The following TNRC6B variants were observed in gnomAD, a reference collection of about 807,000 sequenced individuals.
The protein encoded by TNRC6B is trinucleotide repeat containing adaptor 6B.
In TNRC6B, 52 loss-of-function variants were observed where a neutral mutation model predicts 203.6. The observed-to-expected ratio is 0.26, with a 90% confidence interval of 0.20 to 0.32. TNRC6B has a LOEUF of 0.32. Among genes scored for constraint, TNRC6B ranks in the 10% least tolerant of loss-of-function variants. The pLI is 1.00. For missense variants in TNRC6B, 1,923 were observed against 2,286.2 expected (o/e 0.84, Z 3.24); for synonymous variants, 838 against 845.7 (o/e 0.99, Z 0.16).
chr22:40,244,164 G>A (rs1284551784), intron 1 of TNRC6B, among the ~76,000 whole-genome samples: 1 of 152,182 alleles, frequency 6.6e-6, no homozygotes, highest in Non-Finnish European at 1.5e-5. Context: ...TGGCCAGCCT[G>A]CCTGAGATGA....
chr22:40,152,097 C>T (rs954145715), intron 3 of TNRC6B, among the ~76,000 whole-genome samples: 4 of 152,252 alleles, frequency 2.6e-5, no homozygotes, highest in Middle Eastern at 3.4e-3. Flanking sequence ...TTTTTAAAAA[C>T]TAAGGATAAA....
intron 1 of TNRC6B, among the ~76,000 whole-genome samples, chr22:40,211,299 C>CT (rs2069559286): frequency 6.6e-6 from 1 of 152,040 alleles, no homozygotes; most frequent in Admixed American, 6.5e-5. Context: ...AGGCTGGTCT[C>CT]TAACTCCTGG....
chr22:40,125,869 A>T, intron 3 of TNRC6B: 2 of 1,611,294 alleles, frequency 1.2e-6, no homozygotes, highest in Non-Finnish European at 1.7e-6. Context: ...CAAGGTCAGT[A>T]AATTACTGAA....
At chr22:40,112,469 G>T (rs1041744438) in intron 1 of TNRC6B, among the ~76,000 whole-genome samples, 1 of 152,128 alleles carries the variant, frequency 6.6e-6, no homozygotes, top group African/African-American at 2.4e-5. Flanking sequence ...AAGAAGGCTG[G>T]TTGCAGACCC....
At position 40,335,493 on chromosome 22, in the gene TNRC6B, A is replaced by T. The variant is rs2044022992; in HGVS notation, c.*12252A>T. 1 of 150,760 alleles carries T rather than the reference A, an allele frequency of 6.6e-6. No individual in the cohort carries two copies. Among genetic ancestry groups the T allele is most frequent in the Non-Finnish European group, 1.5e-5 (1 of 67,664 alleles). The allele number at this position is 150,760 out of a possible 1,614,324, so 9.3% of individuals were successfully genotyped here. On this transcript the variant is annotated 3_prime_UTR_variant, in exon 23 of 23. Coordinates refer to ENST00000454349, the MANE Select transcript of TNRC6B (RefSeq NM_001162501.2). ...GCTGGATTTCAAAAAAAAAAAAAAAAGTATCAAAAACAAAAAAAACTAAAG... is the reference window on the plus strand; with the variant it reads ...GCTGGATTTCAAAAAAAAAAAAAAATGTATCAAAAACAAAAAAAACTAAAG...
intron 12 of TNRC6B, among the ~76,000 whole-genome samples, chr22:40,288,051 A>G (rs2146531046): frequency 6.6e-6 from 1 of 152,362 alleles, no homozygotes; most frequent in African/African-American, 2.4e-5. Flanking sequence ...GGGGAAAGGC[A>G]GTTACTCTGA....
intron 1 of TNRC6B, among the ~76,000 whole-genome samples, chr22:40,239,829 CT>C (rs1569034010): frequency 6.6e-6 from 1 of 151,898 alleles, no homozygotes; most frequent in South Asian, 2.1e-4. Flanking sequence ...TGGGTATTTT[CT>C]TTTTTTGTTT....
intron 1 of TNRC6B, among the ~76,000 whole-genome samples, chr22:40,195,781 G>GT (rs1429260327): frequency 2.0e-5 from 3 of 150,944 alleles, no homozygotes; most frequent in African/African-American, 4.9e-5. Flanking sequence ...GTTTTGTTTT[G>GT]TTTTTTGAGA....
chr22:40,183,406 C>T (rs1023775569), intron 1 of TNRC6B, among the ~76,000 whole-genome samples: 2 of 152,150 alleles, frequency 1.3e-5, no homozygotes, highest in African/African-American at 2.4e-5. Context: ...AGGAGCAGCA[C>T]GGAGCCTTTT....
intron 1 of TNRC6B, among the ~76,000 whole-genome samples, chr22:40,109,324 G>T (rs2068313401): frequency 1.3e-5 from 2 of 152,076 alleles, no homozygotes. Context: ...GGGTCAAATG[G>T]TATTTCTGGT....
chr22:40,090,181 A>G (rs2068138599), intron 1 of TNRC6B, among the ~76,000 whole-genome samples: 1 of 152,234 alleles, frequency 6.6e-6, no homozygotes, highest in Admixed American at 6.5e-5. Flanking sequence ...TTTTCACCTC[A>G]TTTGACCAAA....
chr22:40,113,431 C>T (rs73428255), intron 1 of TNRC6B, among the ~76,000 whole-genome samples: 8,683 of 152,148 alleles, frequency 0.057, 791 homozygotes, highest in African/African-American at 0.19. Context: ...CTAGGCTCAC[C>T]GCATCCCCTG....
At chr22:40,059,665 G>A (rs1207693884) in intron 1 of TNRC6B, among the ~76,000 whole-genome samples, 2 of 152,122 alleles carry the variant, frequency 1.3e-5, no homozygotes, top group African/African-American at 4.8e-5. Flanking sequence ...CAGGAATGGA[G>A]ATTGTTTCAT....
At chr22:40,267,180 T>C (rs2070493990) in intron 5 of TNRC6B, 144 bp downstream of exon 5, 2 of 840,662 alleles carry the variant, frequency 2.4e-6, no homozygotes, top group South Asian at 2.5e-5. Context: ...AGAACCTCTT[T>C]TTATGAAATG....
chr22:40,129,867 TAGG>T (rs1283667127), intron 3 of TNRC6B, among the ~76,000 whole-genome samples: 1 of 152,102 alleles, frequency 6.6e-6, no homozygotes, highest in African/African-American at 2.4e-5. Flanking sequence ...GATGGGTACA[TAGG>T]AGTTTATTTG....
intron 3 of TNRC6B, among the ~76,000 whole-genome samples, chr22:40,131,877 G>T (rs1456761563): frequency 3.9e-5 from 6 of 152,210 alleles, no homozygotes; most frequent in African/African-American, 9.6e-5. Flanking sequence ...AACTTCAGAT[G>T]CCTCTGAACA....
intron 9 of TNRC6B, among the ~76,000 whole-genome samples, chr22:40,278,898 G>A (rs555363949): frequency 6.6e-6 from 1 of 152,266 alleles, no homozygotes; most frequent in African/African-American, 2.4e-5. Flanking sequence ...GTGCCGCCAC[G>A]CACAGCTAAT....
At chr22:40,084,355 T>C (rs998969670) in intron 1 of TNRC6B, among the ~76,000 whole-genome samples, 4 of 151,992 alleles carry the variant, frequency 2.6e-5, no homozygotes, top group African/African-American at 9.7e-5. Context: ...AGAGTGTGAG[T>C]GAGGCAGATT....
intron 12 of TNRC6B, among the ~76,000 whole-genome samples, chr22:40,290,089 C>T (rs931569895): frequency 5.9e-5 from 9 of 152,252 alleles, no homozygotes; most frequent in African/African-American, 1.9e-4. Context: ...GCCTGTTCCC[C>T]ACCCTGCCTC....
Sources: gnomAD v4.1 joint callset for allele counts (sites outside exome capture counted in the v4.1 genomes callset) on GRCh38, gnomAD v4.1.1 for gene constraint, MANE v1.5 for transcripts, NCBI Gene and HGNC (gene_info 2026-07-23, HGNC 2026-07-21) for gene names.